PTPRN2: variants seen among roughly 807,000 people sequenced by gnomAD.
PTPRN2 encodes the protein receptor-type tyrosine-protein phosphatase N2.
Under a neutral mutation model 118.8 loss-of-function variants are expected in PTPRN2, and 74 were observed. That is an observed-to-expected ratio of 0.62 (90% CI 0.52 to 0.76). PTPRN2 has a LOEUF of 0.76. PTPRN2 is among the 30% of genes least tolerant of loss of function. The probability of loss-of-function intolerance (pLI) is 0.00; values close to 1 mark genes in which losing one functional copy is unlikely to be tolerated. For missense variants in PTPRN2, 1,481 were observed against 1,394.4 expected (o/e 1.06, Z -0.99); for synonymous variants, 641 against 608.0 (o/e 1.05, Z -0.80).
chr7:157,895,278 G>A (rs1466924121), intron 12 of PTPRN2, among the ~76,000 whole-genome samples: 4 of 150,796 alleles, frequency 2.7e-5, no homozygotes, highest in African/African-American at 4.9e-5. Flanking sequence ...ATAAGCCAGA[G>A]GATCTGGACG....
At chr7:157,704,640 C>T (rs537514028) in intron 12 of PTPRN2, among the ~76,000 whole-genome samples, 1 of 152,276 alleles carries the variant, frequency 6.6e-6, no homozygotes, top group South Asian at 2.1e-4. Context: ...GCAGGTGCCC[C>T]TCAGGTGTTC....
At chr7:157,815,584 A>G (rs1202353201) in intron 12 of PTPRN2, among the ~76,000 whole-genome samples, 2 of 152,136 alleles carry the variant, frequency 1.3e-5, no homozygotes. Context: ...CATTTAGATG[A>G]CGTCATGGGA....
intron 11 of PTPRN2, among the ~76,000 whole-genome samples, chr7:157,907,868 C>T (rs1363654215): frequency 2.0e-5 from 3 of 152,142 alleles, no homozygotes; most frequent in Non-Finnish European, 4.4e-5. Context: ...CCTCCAGCCC[C>T]ATCCTTTCTG....
At chr7:157,976,578 G>A (rs1233637830) in intron 11 of PTPRN2, among the ~76,000 whole-genome samples, 7 of 151,644 alleles carry the variant, frequency 4.6e-5, no homozygotes, top group Non-Finnish European at 7.4e-5. Flanking sequence ...GGATAGTCAC[G>A]CATGTGCCTG....
intron 11 of PTPRN2, among the ~76,000 whole-genome samples, chr7:158,018,485 T>C (rs552027416): frequency 1.3e-5 from 2 of 152,342 alleles, no homozygotes; most frequent in Admixed American, 6.5e-5. Context: ...TTCACATTTT[T>C]AGCCTATACT....
intron 3 of PTPRN2, among the ~76,000 whole-genome samples, chr7:158,268,571 ACGCACACAGGGCGGG>A (rs1798059424): frequency 1.5e-5 from 2 of 135,890 alleles, no homozygotes; most frequent in African/African-American, 5.7e-5. Flanking sequence ...TCCCAGCCGC[ACGCACACAGGGCGGG>A]TGTGAAATAT....
chr7:158,059,646 C>CA (rs1810151119), intron 11 of PTPRN2, among the ~76,000 whole-genome samples: 3 of 109,830 alleles, frequency 2.7e-5, no homozygotes, highest in African/African-American at 4.0e-5. Context: ...ACTCCATCTG[C>CA]CCACGGTGAC....
At chr7:158,142,927 G>A (rs985292541) in intron 6 of PTPRN2, among the ~76,000 whole-genome samples, 7 of 152,104 alleles carry the variant, frequency 4.6e-5, no homozygotes, top group African/African-American at 7.2e-5. Flanking sequence ...TTAAAGGTGC[G>A]TGTATACCAC....
intron 11 of PTPRN2, among the ~76,000 whole-genome samples, chr7:157,947,194 A>ACTCC (rs2128797603): frequency 7.4e-6 from 1 of 134,866 alleles, no homozygotes; most frequent in South Asian, 2.4e-4. Context: ...TGGGCCAAAG[A>ACTCC]CTCCATCAGG....
chr7:158,437,357 C>T (rs764272502), intron 2 of PTPRN2, among the ~76,000 whole-genome samples: 12 of 152,262 alleles, frequency 7.9e-5, no homozygotes, highest in Non-Finnish European at 1.2e-4. Context: ...ATATCAACCA[C>T]AGTTATTTTA....
intron 19 of PTPRN2, 113 bp downstream of exon 19, chr7:157,576,500 G>T: frequency 8.7e-7 from 1 of 1,147,876 alleles, no homozygotes; most frequent in South Asian, 1.7e-5. Context: ...CCCCTGCGGC[G>T]CCGACACAGA....
At chr7:157,976,147 T>C (rs1195189955) in intron 11 of PTPRN2, among the ~76,000 whole-genome samples, 1 of 152,234 alleles carries the variant, frequency 6.6e-6, no homozygotes, top group Non-Finnish European at 1.5e-5. Context: ...GAAAGGGGCC[T>C]CAGCCAGGGC....
At chr7:157,768,802 A>G in intron 12 of PTPRN2, among the ~76,000 whole-genome samples, 1 of 152,194 alleles carries the variant, frequency 6.6e-6, no homozygotes, top group East Asian at 1.9e-4. Flanking sequence ...CTTTCTTTAG[A>G]AAATAAGGAC....
chr7:158,111,110 G>A (rs901428690), intron 9 of PTPRN2, among the ~76,000 whole-genome samples, 195 bp from the exon 10 acceptor site: 1 of 152,210 alleles, frequency 6.6e-6, no homozygotes, highest in African/African-American at 2.4e-5. Flanking sequence ...CAGTGCGGAC[G>A]GGGCTGTGGG....
intron 11 of PTPRN2, among the ~76,000 whole-genome samples, chr7:158,073,113 A>G (rs1812066812): frequency 6.6e-6 from 1 of 151,716 alleles, no homozygotes; most frequent in African/African-American, 2.4e-5. Context: ...CCATCTTTGC[A>G]CTCTCCATCA....
intron 2 of PTPRN2, among the ~76,000 whole-genome samples, chr7:158,368,902 T>G (rs1255589627): frequency 6.6e-6 from 1 of 152,158 alleles, no homozygotes; most frequent in Admixed American, 6.5e-5. Flanking sequence ...TCAACTTGAT[T>G]GGATTGAAGG....
At chr7:158,514,998 A>G (rs1041600706) in intron 1 of PTPRN2, among the ~76,000 whole-genome samples, 2 of 152,174 alleles carry the variant, frequency 1.3e-5, no homozygotes, top group African/African-American at 4.8e-5. Context: ...CTCTTATTTT[A>G]TCTCCACAGT....
Position 158,151,058 on chromosome 7 carries a change from T to C in PTPRN2, c.911-12543A>G, listed in dbSNP as rs796981912. ...CTGTCCTGCCCCTGCCTGCCCACAC[T>C]GCCCGCCTTTCCACTCTTGCCCCTG... is the stretch of plus-strand genomic sequence containing the variant. On this transcript the variant is annotated intron_variant, in intron 6 of 22. Transcript: ENST00000389418. Among the ~76,000 whole-genome samples, 809 of 110,138 alleles carry C rather than the reference T, an allele frequency of 7.3e-3. 39 individuals are homozygous for C. Among genetic ancestry groups the C allele is most frequent in the Non-Finnish European group, 7.9e-3 (404 of 51,112 alleles). The allele number at this position is 110,138 out of a possible 152,430, so 72.3% of individuals were successfully genotyped here. A position where few individuals can be genotyped will look rare whatever the true frequency, so the allele number is the denominator to read the frequency against.
At chr7:158,063,872 A>G (rs73171559) in intron 11 of PTPRN2, among the ~76,000 whole-genome samples, 9,384 of 152,282 alleles carry the variant, frequency 0.062, 352 homozygotes, top group Non-Finnish European at 0.088. Flanking sequence ...GAAGGCAACC[A>G]CGACAAAACC....
Sources: allele counts gnomAD v4.1 joint callset (sites outside exome capture counted in the v4.1 genomes callset), GRCh38; gene constraint gnomAD v4.1.1; transcripts MANE v1.5; gene names NCBI Gene and HGNC (gene_info 2026-07-23, HGNC 2026-07-21).